The following CACNA2D3 variants were observed in gnomAD, a reference collection of about 807,000 sequenced individuals.
CACNA2D3 encodes the protein voltage-dependent calcium channel subunit alpha-2/delta-3.
In CACNA2D3, 60 loss-of-function variants were observed where a neutral mutation model predicts 160.6. The observed-to-expected ratio is 0.37, with a 90% confidence interval of 0.30 to 0.46. CACNA2D3 has a LOEUF of 0.46. Ranked by LOEUF, CACNA2D3 falls within the 20% of genes least tolerant of loss-of-function variation. The probability of loss-of-function intolerance (pLI) is 1.00; values close to 1 mark genes in which losing one functional copy is unlikely to be tolerated. For synonymous variants in CACNA2D3, 558 were observed against 492.9 expected, an observed-to-expected ratio of 1.13 and a Z score of -1.75; for missense variants, 1,205 against 1,365.0, an observed-to-expected ratio of 0.88 and a Z score of 1.85.
chr3:54,823,079 T>C (rs1186494687), intron 14 of CACNA2D3, among the ~76,000 whole-genome samples: 1 of 151,956 alleles, frequency 6.6e-6, no homozygotes, highest in African/African-American at 2.4e-5. Flanking sequence ...GGTCTTGAAC[T>C]CCTAACCTCA....
At chr3:54,141,252 C>T (rs1242286830) in intron 2 of CACNA2D3, among the ~76,000 whole-genome samples, 3 of 152,008 alleles carry the variant, frequency 2.0e-5, no homozygotes, top group African/African-American at 7.3e-5. Flanking sequence ...CTGAATTAAC[C>T]ACAGAGTCCC....
intron 8 of CACNA2D3, among the ~76,000 whole-genome samples, chr3:54,575,297 G>GT (rs77653543): frequency 2.8e-4 from 42 of 152,158 alleles, no homozygotes; most frequent in Admixed American, 5.9e-4. Flanking sequence ...AATTCTATGG[G>GT]TTTTTTTGGC....
At chr3:54,645,654 G>GGGATTTGTTCC (rs1418923231) in intron 11 of CACNA2D3, among the ~76,000 whole-genome samples, 2 of 152,134 alleles carry the variant, frequency 1.3e-5, no homozygotes, top group African/African-American at 4.8e-5. Context: ...CCAGCCTCCG[G>GGGATTTGTTCC]GGATTTGTTC....
At chr3:54,756,301 C>T (rs1386028708) in intron 12 of CACNA2D3, among the ~76,000 whole-genome samples, 1 of 152,168 alleles carries the variant, frequency 6.6e-6, no homozygotes, top group Non-Finnish European at 1.5e-5. Context: ...CTGTTTGCCA[C>T]TCTTCAAAGT....
intron 13 of CACNA2D3, among the ~76,000 whole-genome samples, chr3:54,813,951 A>T (rs1176643515): frequency 6.6e-6 from 1 of 150,542 alleles, no homozygotes; most frequent in African/African-American, 2.5e-5. Context: ...AGCAGCCTCA[A>T]CCTCCTGGGC....
chr3:54,764,390 C>T (rs1702179589), intron 13 of CACNA2D3, 39 bp downstream of exon 13: 4 of 1,606,322 alleles, frequency 2.5e-6, no homozygotes, highest in Admixed American at 1.7e-5. Flanking sequence ...CTAAGCTTTA[C>T]CCCCATCCCC....
chr3:54,864,998 C>G (rs1252459130), intron 17 of CACNA2D3, among the ~76,000 whole-genome samples: 1 of 152,198 alleles, frequency 6.6e-6, no homozygotes, highest in Non-Finnish European at 1.5e-5. Context: ...AAGCCTGGCA[C>G]CAGAAACATT....
intron 2 of CACNA2D3, among the ~76,000 whole-genome samples, chr3:54,229,835 G>A (rs1412344283): frequency 6.6e-6 from 1 of 152,014 alleles, no homozygotes; most frequent in East Asian, 1.9e-4. Context: ...GTTATATCTT[G>A]TTCAGACCAC....
rs551585406 is a variant in CACNA2D3 at position 55,025,202 on chromosome 3, G to T, written c.2987+6885G>T. Among the ~76,000 whole-genome samples the T allele has an allele frequency of 2.6e-5, 4 of 152,252 alleles. No homozygotes were observed. The East Asian group carries it at 7.7e-4, about 29-fold the overall frequency. On this transcript the variant is annotated intron_variant, in intron 35 of 37. Transcript: ENST00000474759. ...GAAAATAAAGAAAGAAATGCAGTTG[G>T]ATTAAAGAAAGTGACCTAAAGATTT... is the stretch of plus-strand genomic sequence containing the variant.
At chr3:54,352,526 T>C (rs1247936288) in intron 3 of CACNA2D3, among the ~76,000 whole-genome samples, 3 of 152,136 alleles carry the variant, frequency 2.0e-5, no homozygotes, top group South Asian at 4.2e-4. Context: ...AATAAATCAG[T>C]GTGTGGAAAA....
intron 5 of CACNA2D3, among the ~76,000 whole-genome samples, chr3:54,558,644 C>CTAAGTTCT (rs1215997486): frequency 6.6e-6 from 1 of 152,106 alleles, no homozygotes; most frequent in Non-Finnish European, 1.5e-5. Flanking sequence ...TGTTTAGCTC[C>CTAAGTTCT]CACTTATAAG....
intron 11 of CACNA2D3, among the ~76,000 whole-genome samples, chr3:54,744,694 G>A (rs1259159763): frequency 6.6e-6 from 1 of 152,216 alleles, no homozygotes; most frequent in Non-Finnish European, 1.5e-5. Flanking sequence ...GCAGGCTGAG[G>A]GAAGTATCTA....
chr3:55,073,625 C>T, intron 36 of CACNA2D3, 68 bp downstream of exon 36: 2 of 1,346,602 alleles, frequency 1.5e-6, no homozygotes, highest in Non-Finnish European at 1.1e-6. Flanking sequence ...GGTAAGGAAA[C>T]CTGGGGGAGA....
chr3:54,998,785 C>T (rs532711603), intron 31 of CACNA2D3, among the ~76,000 whole-genome samples: 4 of 151,558 alleles, frequency 2.6e-5, no homozygotes, highest in East Asian at 2.0e-4. Context: ...CTTGCTCTGT[C>T]GCCCAGGCTG....
At chr3:54,673,808 C>T (rs1575416903) in intron 11 of CACNA2D3, among the ~76,000 whole-genome samples, 2 of 152,208 alleles carry the variant, frequency 1.3e-5, no homozygotes, top group Admixed American at 6.5e-5. Context: ...CAATATTTGA[C>T]CTTCCTCTCT....
intron 4 of CACNA2D3, among the ~76,000 whole-genome samples, chr3:54,470,638 G>T (rs1700713816): frequency 6.6e-6 from 1 of 152,106 alleles, no homozygotes; most frequent in African/African-American, 2.4e-5. Flanking sequence ...ACACAGACTG[G>T]CAAATTGGGT....
chr3:55,034,698 G>C (rs1481556193), intron 35 of CACNA2D3, among the ~76,000 whole-genome samples: 1 of 151,728 alleles, frequency 6.6e-6, no homozygotes, highest in Non-Finnish European at 1.5e-5. Context: ...TTTTAAACTT[G>C]AAATGTCATA....
intron 32 of CACNA2D3, 74 bp from the exon 33 acceptor site, chr3:55,007,716 T>C: frequency 1.1e-6 from 1 of 888,458 alleles, no homozygotes; most frequent in East Asian, 2.8e-5. Context: ...ATTGTCCTTA[T>C]GTAAAGCCCT....
intron 5 of CACNA2D3, among the ~76,000 whole-genome samples, chr3:54,554,916 C>G (rs1324432893): frequency 7.5e-6 from 1 of 133,368 alleles, no homozygotes; most frequent in Non-Finnish European, 1.5e-5. Flanking sequence ...ACTCTGTCAC[C>G]CAGTCTGGAG....
Sources: allele counts gnomAD v4.1 joint callset (sites outside exome capture counted in the v4.1 genomes callset), GRCh38; gene constraint gnomAD v4.1.1; transcripts MANE v1.5; gene names NCBI Gene and HGNC (gene_info 2026-07-23, HGNC 2026-07-21).